Variants in PCDHA4 observed in about 807,000 individuals in gnomAD.
PCDHA4 encodes the protein protocadherin alpha-4.
Under a neutral mutation model 61.4 loss-of-function variants are expected in PCDHA4, and 49 were observed. The observed-to-expected ratio is 0.80, with a 90% CI of 0.63 to 1.01. The LOEUF is 1.01. Among genes scored for constraint, PCDHA4 ranks in the 50% least tolerant of loss-of-function variants. The pLI, the probability that PCDHA4 is intolerant of heterozygous loss-of-function variation, is 0.00. For synonymous variants in PCDHA4, 590 were observed against 550.3 expected, an observed-to-expected ratio of 1.07 and a Z score of -1.01; for missense variants, 1,254 against 1,235.8, an observed-to-expected ratio of 1.01 and a Z score of -0.22.
intron 1 of PCDHA4, chr5:140,809,789 A>C: frequency 2.1e-6 from 1 of 470,038 alleles, no homozygotes; most frequent in South Asian, 4.2e-5. Context: ...TATTAACAGA[A>C]CTGTAATTTC....
At chr5:140,877,403 G>C (rs199806507) in intron 1 of PCDHA4, 1 of 1,613,770 alleles carries the variant, frequency 6.2e-7, no homozygotes, top group Non-Finnish European at 8.5e-7. Context: ...GACGCTCCGC[G>C]CCACCGCCTG....
At chr5:140,821,568 C>A (rs1223183391) in intron 1 of PCDHA4, 4 of 542,134 alleles carry the variant, frequency 7.4e-6, no homozygotes, top group Non-Finnish European at 1.3e-5. Flanking sequence ...CGCTGGACAC[C>A]GGAAGGTTTT....
chr5:140,870,427 G>A, intron 1 of PCDHA4: 1 of 1,614,220 alleles, frequency 6.2e-7, no homozygotes, highest in Non-Finnish European at 8.5e-7. Flanking sequence ...CAGGGTATCC[G>A]TGGAGGTGGC....
intron 1 of PCDHA4, among the ~76,000 whole-genome samples, chr5:140,844,874 A>G (rs1300687011): frequency 6.7e-6 from 1 of 149,392 alleles, no homozygotes; most frequent in Non-Finnish European, 1.5e-5. Context: ...TTAAATACCC[A>G]TTAGACTTCG....
intron 1 of PCDHA4, chr5:140,881,249 A>G (rs1582554645): frequency 2.3e-6 from 1 of 434,858 alleles, no homozygotes; most frequent in Non-Finnish European, 3.1e-6. Context: ...AATGACGGCA[A>G]GGTTTTACTC....
rs1554202543 is a variant in PCDHA4 at position 140,925,106 on chromosome 5, G to GA, written c.2386-53842dup. The stretch of plus-strand genomic sequence containing the variant: ...GAAAGGAAGGAAGGAAGGAAGGAAG[G>GA]AGGGAAGGAAGGAAGGAAAAAAAAT... On this transcript the variant is annotated intron_variant, in intron 1 of 3. Coordinates refer to ENST00000530339, the MANE Select transcript of PCDHA4 (RefSeq NM_018907.4). Among the ~76,000 whole-genome samples the GA allele has an allele frequency of 6.6e-3, 1,003 of 151,180 alleles. 6 individuals are homozygous for GA. Among genetic ancestry groups the GA allele is most frequent in the African/African-American group, 0.017 (687 of 41,108 alleles).
chr5:140,842,590 G>T (rs2150340027), intron 1 of PCDHA4: 1 of 1,530,304 alleles, frequency 6.5e-7, no homozygotes, highest in Admixed American at 1.8e-5. Context: ...CCTATGAGTT[G>T]GTGGTAACCG....
chr5:140,942,902 A>G (rs956281163), intron 1 of PCDHA4, among the ~76,000 whole-genome samples: 7 of 152,112 alleles, frequency 4.6e-5, no homozygotes, highest in Admixed American at 1.3e-4. Context: ...ATCTCTAAGA[A>G]TAAGCGTGAA....
At chr5:140,877,536 T>A (rs1402880820) in intron 1 of PCDHA4, 1 of 1,613,730 alleles carries the variant, frequency 6.2e-7, no homozygotes, top group Non-Finnish European at 8.5e-7. Flanking sequence ...GCGCTGTGGA[T>A]CCCGAAGCGG....
chr5:140,871,582 GT>G, intron 1 of PCDHA4: 2 of 1,468,826 alleles, frequency 1.4e-6, no homozygotes, highest in Non-Finnish European at 1.8e-6. Flanking sequence ...TTAAGGGAAA[GT>G]TTTATGAATA....
At chr5:140,846,491 C>T (rs1471835490) in intron 1 of PCDHA4, among the ~76,000 whole-genome samples, 1 of 146,532 alleles carries the variant, frequency 6.8e-6, no homozygotes, top group Non-Finnish European at 1.5e-5. Context: ...TCTCCTTCCT[C>T]AGCCTCCCAA....
intron 1 of PCDHA4, chr5:140,884,453 G>A (rs2060182161): frequency 2.5e-6 from 4 of 1,613,658 alleles, no homozygotes; most frequent in Admixed American, 1.7e-5. Flanking sequence ...ACCGCCCACC[G>A]AGGGCGCGTG....
chr5:140,843,178 C>A (rs2150354589), intron 1 of PCDHA4: 1 of 1,596,102 alleles, frequency 6.3e-7, no homozygotes, highest in East Asian at 2.2e-5. Flanking sequence ...GCAGCCCTCG[C>A]ATCCCGTTCC....
chr5:140,970,018 C>G (rs1383957568), intron 1 of PCDHA4, among the ~76,000 whole-genome samples: 9 of 151,942 alleles, frequency 5.9e-5, no homozygotes, highest in African/African-American at 2.2e-4. Context: ...GATGGTGAGG[C>G]AGAGAGATTA....
intron 2 of PCDHA4, among the ~76,000 whole-genome samples, chr5:140,981,822 G>A (rs1229465317): frequency 6.6e-6 from 1 of 151,926 alleles, no homozygotes; most frequent in Non-Finnish European, 1.5e-5. Flanking sequence ...ATCTCTGCTT[G>A]CCTCTAAAGG....
At chr5:140,963,275 A>G (rs2095752915) in intron 1 of PCDHA4, among the ~76,000 whole-genome samples, 1 of 152,160 alleles carries the variant, frequency 6.6e-6, no homozygotes, top group Non-Finnish European at 1.5e-5. Flanking sequence ...AAATGTATGT[A>G]AGATTTTATA....
chr5:140,808,323 T>C lies in PCDHA4; in HGVS notation c.1136T>C (p.Met379Thr), dbSNP rs1764144511. 5 of 1,614,264 alleles carry C rather than the reference T, an allele frequency of 3.1e-6. No homozygotes were observed. Among genetic ancestry groups the C allele is most frequent in the Non-Finnish European group, 4.2e-6 (5 of 1,180,054 alleles). Residue 379 changes from methionine (M) to threonine (T), a missense_variant, in exon 1 of 4, where the codon ATG becomes ACG. Coordinates refer to ENST00000530339, the MANE Select transcript of PCDHA4 (RefSeq NM_018907.4). The part of the protein sequence containing the change: ...IALISVSDKD[M>T]GVNGLVTCSL... ...CTGATCAGCGTGTCCGACAAAGACATGGGTGTCAATGGGCTGGTCACCTGC... is the reference window on the plus strand; with the variant it reads ...CTGATCAGCGTGTCCGACAAAGACACGGGTGTCAATGGGCTGGTCACCTGC...
intron 1 of PCDHA4, among the ~76,000 whole-genome samples, chr5:140,960,819 G>A (rs1287793882): frequency 1.3e-5 from 2 of 152,146 alleles, no homozygotes; most frequent in Admixed American, 6.5e-5. Context: ...CCCAAGTGAT[G>A]AATGGAAACT....
At chr5:140,911,160 G>A (rs1226577638) in intron 1 of PCDHA4, among the ~76,000 whole-genome samples, 1 of 152,086 alleles carries the variant, frequency 6.6e-6, no homozygotes, top group African/African-American at 2.4e-5. Context: ...AGACAAATGT[G>A]GAAAGGCTGA....
Sources: gnomAD v4.1 joint callset for allele counts (sites outside exome capture counted in the v4.1 genomes callset) on GRCh38, gnomAD v4.1.1 for gene constraint, MANE v1.5 for transcripts, NCBI Gene and HGNC (gene_info 2026-07-23, HGNC 2026-07-21) for gene names.